Variants in NEK10 observed in about 807,000 individuals in gnomAD.
The protein encoded by NEK10 is NIMA related kinase 10.
In NEK10, 122 loss-of-function variants were observed where a neutral mutation model predicts 159.8. The observed-to-expected ratio is 0.76, with a 90% CI of 0.66 to 0.89. The LOEUF (loss-of-function observed/expected upper bound fraction) is 0.89. Among genes scored for constraint, NEK10 ranks in the 40% least tolerant of loss-of-function variants. The probability of loss-of-function intolerance (pLI) is 0.00; values close to 1 mark genes in which losing one functional copy is unlikely to be tolerated. For synonymous variants in NEK10, 466 were observed against 457.1 expected, an observed-to-expected ratio of 1.02 and a Z score of -0.25; for missense variants, 1,342 against 1,323.1, an observed-to-expected ratio of 1.01 and a Z score of -0.22.
chr3:27,367,651 G>C (rs757350089), intron 1 of NEK10: 1 of 152,316 alleles, frequency 6.6e-6, no homozygotes, highest in Non-Finnish European at 1.5e-5. Context: ...CACCTGTTAC[G>C]ATGTCTTGCA....
At chr3:27,222,986 A>G (rs1952271015) in intron 23 of NEK10, among the ~76,000 whole-genome samples, 1 of 152,136 alleles carries the variant, frequency 6.6e-6, no homozygotes, top group Non-Finnish European at 1.5e-5. Flanking sequence ...GAATGTGGTC[A>G]TTCAAGCTAT....
At chr3:27,254,806 T>C (rs553381840) in intron 23 of NEK10, among the ~76,000 whole-genome samples, 19 of 152,220 alleles carry the variant, frequency 1.2e-4, no homozygotes, top group Non-Finnish European at 2.4e-4. Context: ...AACCCTTCAG[T>C]TAATTTAAAA....
chr3:27,228,658 C>T (rs1321942217), intron 23 of NEK10, among the ~76,000 whole-genome samples: 3 of 152,184 alleles, frequency 2.0e-5, no homozygotes, highest in East Asian at 3.9e-4. Context: ...AGACAGCCTT[C>T]CTGGAACAAT....
Position 27,111,305 on chromosome 3 carries a change from T to C in NEK10, c.3315A>G (p.Pro1105=), listed in dbSNP as rs934642665. The part of the protein sequence containing the change: ...NFTSNRYHSY[P]WGTKNHPTKR ...TGGTTGGGTGATTCTTGGTCCCCCA[T>C]GGATAGGAATGATACCTATAAGATT... The change falls in exon 36 of 36, where the codon CCA becomes CCG. Residue 1105 remains proline, a synonymous_variant. Coordinates refer to ENST00000691995, the MANE Select transcript of NEK10 (RefSeq NM_001394966.1). The C allele has an allele frequency of 3.1e-6, 5 of 1,607,506 alleles. No homozygotes were observed. Among genetic ancestry groups the C allele is most frequent in the African/African-American group, 2.7e-5 (2 of 74,648 alleles).
chr3:27,261,013 G>A (rs1458618043), intron 22 of NEK10, among the ~76,000 whole-genome samples: 19 of 152,122 alleles, frequency 1.2e-4, no homozygotes, highest in Admixed American at 1.2e-3. Flanking sequence ...TTGCGTAGAG[G>A]TGTTTATAGT....
chr3:27,276,917 A>G (rs758046426), intron 22 of NEK10, among the ~76,000 whole-genome samples: 1 of 152,064 alleles, frequency 6.6e-6, no homozygotes, highest in Non-Finnish European at 1.5e-5. Context: ...TCCCTTTCTC[A>G]TCTCCAACTA....
intron 26 of NEK10, among the ~76,000 whole-genome samples, chr3:27,188,507 A>C (rs1258534274): frequency 6.6e-6 from 1 of 152,194 alleles, no homozygotes; most frequent in Non-Finnish European, 1.5e-5. Context: ...CAGTTCTCCA[A>C]ACTGAACAAA....
At chr3:27,263,769 T>C (rs946168950) in intron 22 of NEK10, among the ~76,000 whole-genome samples, 1 of 152,136 alleles carries the variant, frequency 6.6e-6, no homozygotes. Context: ...ACTTCCCGGG[T>C]GAGGCAATGC....
intron 31 of NEK10, among the ~76,000 whole-genome samples, chr3:27,137,238 T>C (rs1943313497): frequency 6.6e-6 from 1 of 152,116 alleles, no homozygotes; most frequent in Admixed American, 6.5e-5. Flanking sequence ...AATGCCATTC[T>C]GCCAAAAAAA....
chr3:27,361,699 A>G (rs1369747296), intron 1 of NEK10, among the ~76,000 whole-genome samples: 1 of 152,220 alleles, frequency 6.6e-6, no homozygotes, highest in Non-Finnish European at 1.5e-5. Flanking sequence ...TACAGATTCA[A>G]CCCAAACCCC....
chr3:27,225,313 T>C (rs908951133), intron 23 of NEK10, among the ~76,000 whole-genome samples: 2 of 152,174 alleles, frequency 1.3e-5, no homozygotes, highest in Admixed American at 1.3e-4. Flanking sequence ...CTGACTCAAA[T>C]GTTAATCTCC....
Position 27,251,952 on chromosome 3 carries a change from G to A in NEK10, c.2090+4344C>T, listed in dbSNP as rs189832679. Among the ~76,000 whole-genome samples, 39 of 152,126 alleles carry A rather than the reference G, an allele frequency of 2.6e-4. No homozygotes were observed. The South Asian group carries it at 6.7e-3, about 26-fold the overall frequency. On this transcript the variant is annotated intron_variant, in intron 23 of 35. Coordinates refer to ENST00000691995, the MANE Select transcript of NEK10 (RefSeq NM_001394966.1). ...CTCAAATGAAAAGCATTTTCTTCAG[G>A]CTTTATTAGGGTAAAAATCAGAAAA... is the stretch of plus-strand genomic sequence containing the variant.
chr3:27,210,569 C>T (rs1950919529), intron 23 of NEK10, among the ~76,000 whole-genome samples: 1 of 152,172 alleles, frequency 6.6e-6, no homozygotes, highest in South Asian at 2.1e-4. Flanking sequence ...TCCCTCCCTC[C>T]CATAACCTGT....
chr3:27,215,929 C>T lies in NEK10; in HGVS notation c.2091-13372G>A, dbSNP rs747282044. 7 of 625,060 alleles carry T rather than the reference C, an allele frequency of 1.1e-5. 1 individual carries two copies. In the South Asian group the frequency reaches 1.4e-4, roughly 12 times the overall value. 38.7% of individuals were successfully genotyped at this position (625,060 alleles called of 1,614,324 possible). Reference sequence around the variant, plus strand: ...AAACTCACCATCATGAGAACAGCACCAAGGGAGAAATTCGCCCCCATAATA... The same window carrying T: ...AAACTCACCATCATGAGAACAGCACTAAGGGAGAAATTCGCCCCCATAATA... On this transcript the variant is annotated intron_variant, in intron 23 of 35. Coordinates refer to ENST00000691995, the MANE Select transcript of NEK10 (RefSeq NM_001394966.1).
intron 30 of NEK10, among the ~76,000 whole-genome samples, chr3:27,156,800 C>A (rs1203698159): frequency 6.6e-6 from 1 of 150,880 alleles, no homozygotes; most frequent in African/African-American, 2.4e-5. Flanking sequence ...TGGGTATCTA[C>A]CCAGAGGAAA....
chr3:27,117,900 T>G (rs1262371887), intron 33 of NEK10, among the ~76,000 whole-genome samples: 1 of 152,216 alleles, frequency 6.6e-6, no homozygotes, highest in African/African-American at 2.4e-5. Flanking sequence ...CCCAGGCCTA[T>G]GTCCTGAATG....
chr3:27,158,638 C>T (rs1945727097), intron 30 of NEK10, among the ~76,000 whole-genome samples: 3 of 152,300 alleles, frequency 2.0e-5, no homozygotes, highest in African/African-American at 7.2e-5. Context: ...AGAACCCATA[C>T]ATCGGTTCAG....
chr3:27,213,442 G>A (rs1335145405), intron 23 of NEK10, among the ~76,000 whole-genome samples: 4 of 152,114 alleles, frequency 2.6e-5, no homozygotes, highest in Non-Finnish European at 4.4e-5. Flanking sequence ...ATTGGTCATC[G>A]TTTCTACTAA....
intron 3 of NEK10, among the ~76,000 whole-genome samples, chr3:27,350,019 C>T (rs576276375): frequency 6.6e-6 from 1 of 152,252 alleles, no homozygotes; most frequent in Non-Finnish European, 1.5e-5. Context: ...CTTAGAGATC[C>T]AGAGGAAGGG....
Sources: gnomAD v4.1 joint callset for allele counts (sites outside exome capture counted in the v4.1 genomes callset) on GRCh38, gnomAD v4.1.1 for gene constraint, MANE v1.5 for transcripts, NCBI Gene and HGNC (gene_info 2026-07-23, HGNC 2026-07-21) for gene names.